RBFOX1: variants seen among roughly 807,000 people sequenced by gnomAD.
The protein encoded by RBFOX1 is RNA binding protein fox-1 homolog 1.
Under a neutral mutation model 57.7 loss-of-function variants are expected in RBFOX1, and 8 were observed. The observed-to-expected ratio is 0.14, with a 90% CI of 0.08 to 0.25. RBFOX1 has a LOEUF of 0.25. Ranked by LOEUF, RBFOX1 falls within the 10% of genes least tolerant of loss-of-function variation. RBFOX1 has a pLI of 1.00. For missense variants in RBFOX1, 611 were observed against 548.5 expected (o/e 1.11, Z -1.14); for synonymous variants, 326 against 222.4 (o/e 1.47, Z -4.15).
At chr16:5,746,781 A>G (rs145845566) in intron 3 of RBFOX1, among the ~76,000 whole-genome samples, 2,476 of 152,292 alleles carry the variant, frequency 0.016, 80 homozygotes, top group African/African-American at 0.056. Context: ...ATTTTTGCAC[A>G]TTGATTTTGT....
intron 3 of RBFOX1, among the ~76,000 whole-genome samples, chr16:5,812,121 T>A (rs979349801): frequency 3.3e-5 from 5 of 152,212 alleles, no homozygotes; most frequent in Admixed American, 1.3e-4. Context: ...TAACAGTGTT[T>A]GGTTCTTTTT....
intron 3 of RBFOX1, among the ~76,000 whole-genome samples, chr16:5,850,832 A>C (rs1001192917): frequency 2.0e-5 from 3 of 152,190 alleles, no homozygotes; most frequent in South Asian, 2.1e-4. Flanking sequence ...AGCAGTTCAC[A>C]TTTGACCTTG....
intron 3 of RBFOX1, among the ~76,000 whole-genome samples, chr16:5,638,988 G>C (rs1596543428): frequency 1.3e-5 from 2 of 152,264 alleles, no homozygotes; most frequent in East Asian, 3.9e-4. Context: ...TGTCACAGGA[G>C]GAAGATACTT....
intron 7 of RBFOX1, among the ~76,000 whole-genome samples, chr16:7,592,169 G>A (rs1335644017): frequency 6.6e-6 from 1 of 152,032 alleles, no homozygotes; most frequent in Non-Finnish European, 1.5e-5. Flanking sequence ...CTCTAAATGA[G>A]GAATACCAAG....
At chr16:7,261,689 C>A (rs138131938) in intron 4 of RBFOX1, among the ~76,000 whole-genome samples, 1 of 152,136 alleles carries the variant, frequency 6.6e-6, no homozygotes, top group African/African-American at 2.4e-5. Context: ...GTCCAAGCAT[C>A]CTTTTCCTTA....
chr16:6,857,689 G>A (rs1308919037), intron 3 of RBFOX1, among the ~76,000 whole-genome samples: 1 of 152,136 alleles, frequency 6.6e-6, no homozygotes, highest in African/African-American at 2.4e-5. Context: ...AGCAGCTAAC[G>A]GAGTGTATCA....
intron 14 of RBFOX1, among the ~76,000 whole-genome samples, chr16:7,708,826 GTA>G (rs2148567429): frequency 6.6e-6 from 1 of 151,958 alleles, no homozygotes; most frequent in Admixed American, 6.5e-5. Context: ...AAGTACGTGT[GTA>G]TATATGTATT....
intron 3 of RBFOX1, among the ~76,000 whole-genome samples, chr16:6,672,455 AAAGG>A (rs2098772278): frequency 6.6e-6 from 1 of 151,474 alleles, no homozygotes; most frequent in Non-Finnish European, 1.5e-5. Flanking sequence ...AAAAGAAAGG[AAAGG>A]AAGGAAAGAA....
chr16:7,333,129 G>A (rs771885074), intron 4 of RBFOX1: 27 of 1,566,864 alleles, frequency 1.7e-5, no homozygotes, highest in Non-Finnish European at 2.1e-5. Flanking sequence ...TAACTCCAGA[G>A]TGCTCAGAGT....
chr16:6,414,660 C>G (rs1209023857), intron 2 of RBFOX1, among the ~76,000 whole-genome samples: 1 of 152,158 alleles, frequency 6.6e-6, no homozygotes, highest in Non-Finnish European at 1.5e-5. Context: ...GATAGCTGTG[C>G]CCATGGATTG....
At chr16:7,189,814 C>G (rs185286582) in intron 4 of RBFOX1, among the ~76,000 whole-genome samples, 4 of 152,312 alleles carry the variant, frequency 2.6e-5, no homozygotes, top group Non-Finnish European at 5.9e-5. Context: ...TTTCTTTCCT[C>G]CAGCTTTCTG....
At chr16:7,362,474 TTG>T (rs1262425650) in intron 4 of RBFOX1, among the ~76,000 whole-genome samples, 7 of 150,752 alleles carry the variant, frequency 4.6e-5, no homozygotes, top group Non-Finnish European at 8.9e-5. Flanking sequence ...TTGTGTGTGT[TTG>T]TGTGTTTTGT....
chr16:6,932,498 T>C (rs2076725047), intron 3 of RBFOX1, among the ~76,000 whole-genome samples: 1 of 152,198 alleles, frequency 6.6e-6, no homozygotes, highest in South Asian at 2.1e-4. Flanking sequence ...ATAGCCCTTC[T>C]TGATGGATTA....
intron 3 of RBFOX1, among the ~76,000 whole-genome samples, chr16:6,788,477 A>G (rs1426486353): frequency 6.6e-6 from 1 of 150,408 alleles, no homozygotes; most frequent in Non-Finnish European, 1.5e-5. Context: ...TTTATTTTTT[A>G]TTTTTTATTT....
intron 4 of RBFOX1, among the ~76,000 whole-genome samples, chr16:7,135,549 C>G (rs1009778210): frequency 2.0e-5 from 3 of 152,174 alleles, no homozygotes; most frequent in Non-Finnish European, 4.4e-5. Context: ...ATTAAGGTAA[C>G]AACTTGTGAA....
chr16:6,490,853 C>T (rs554818576), intron 2 of RBFOX1, among the ~76,000 whole-genome samples: 1 of 152,284 alleles, frequency 6.6e-6, no homozygotes, highest in Admixed American at 6.5e-5. Context: ...AATCCCATTG[C>T]AGAACTGTCA....
At chr16:6,375,934 G>T (rs567900104) in intron 2 of RBFOX1, among the ~76,000 whole-genome samples, 77 of 152,218 alleles carry the variant, frequency 5.1e-4, no homozygotes, top group African/African-American at 1.7e-3. Context: ...ATCAGCAGGG[G>T]TGCCAGTGAA....
chr16:6,867,030 A>C (rs1449360480), intron 3 of RBFOX1, among the ~76,000 whole-genome samples: 2 of 151,990 alleles, frequency 1.3e-5, no homozygotes, highest in African/African-American at 4.8e-5. Flanking sequence ...AAAAAAAAAA[A>C]AAACTTCCAT....
chr16:7,162,556 C>A (rs1003986953), intron 4 of RBFOX1, among the ~76,000 whole-genome samples: 6 of 146,012 alleles, frequency 4.1e-5, no homozygotes, highest in African/African-American at 1.6e-4. Flanking sequence ...ATGGTGAAAC[C>A]CTGTCTCTAC....
Sources: gnomAD v4.1 joint callset for allele counts (sites outside exome capture counted in the v4.1 genomes callset) on GRCh38, gnomAD v4.1.1 for gene constraint, MANE v1.5 for transcripts, NCBI Gene and HGNC (gene_info 2026-07-23, HGNC 2026-07-21) for gene names.